The following VWA3B variants were observed in gnomAD, a reference collection of about 807,000 sequenced individuals.
VWA3B encodes von Willebrand factor A domain containing 3B.
VWA3B carries 138 observed loss-of-function variants against 158.3 expected under a neutral mutation model. That is an observed-to-expected ratio of 0.87 (90% CI 0.76 to 1.00). The LOEUF (loss-of-function observed/expected upper bound fraction) is 1.00, where lower values mean the gene tolerates loss of function less well. Among genes scored for constraint, VWA3B ranks in the 50% least tolerant of loss-of-function variants. The pLI, the probability that VWA3B is intolerant of heterozygous loss-of-function variation, is 0.00. For missense variants in VWA3B, 1,555 were observed against 1,565.1 expected (o/e 0.99, Z 0.11); for synonymous variants, 596 against 587.3 (o/e 1.01, Z -0.21).
intron 23 of VWA3B, among the ~76,000 whole-genome samples, chr2:98,296,935 G>A (rs1689836933): frequency 6.6e-6 from 1 of 150,720 alleles, no homozygotes; most frequent in African/African-American, 2.4e-5. Flanking sequence ...ATATGTTTGT[G>A]TGTATATATA....
At chr2:98,248,204 A>T (rs961298060) in intron 19 of VWA3B, among the ~76,000 whole-genome samples, 1 of 152,166 alleles carries the variant, frequency 6.6e-6, no homozygotes, top group African/African-American at 2.4e-5. Flanking sequence ...TAATAAATAA[A>T]CAATTTTAAT....
intron 22 of VWA3B, among the ~76,000 whole-genome samples, chr2:98,279,820 G>A (rs1688763153): frequency 1.3e-5 from 2 of 152,204 alleles, no homozygotes; most frequent in African/African-American, 4.8e-5. Context: ...GGGAGATAGG[G>A]TGGTGTGTTC....
intron 13 of VWA3B, among the ~76,000 whole-genome samples, chr2:98,216,550 C>T (rs1473706355): frequency 1.3e-5 from 2 of 152,206 alleles, no homozygotes; most frequent in Non-Finnish European, 2.9e-5. Flanking sequence ...GATGGAATCT[C>T]GGCCTTTCTT....
the VWA3B span, among the ~76,000 whole-genome samples, chr2:98,318,949 T>C: frequency 6.6e-6 from 1 of 152,154 alleles, no homozygotes; most frequent in East Asian, 1.9e-4. Context: ...GTGGAACCCA[T>C]GGATATGAAA....
At chr2:98,319,859 GACAGAGTGAGACTCCATCAC>G in the VWA3B span, among the ~76,000 whole-genome samples, 1 of 147,240 alleles carries the variant, frequency 6.8e-6, no homozygotes, top group African/African-American at 2.6e-5. Context: ...CAACCTGGGT[GACAGAGTGAGACTCCATCAC>G]ACACACACAC....
At chr2:98,236,230 G>A (rs1234468404) in intron 17 of VWA3B, among the ~76,000 whole-genome samples, 160 bp from the exon 18 acceptor site, 1 of 152,140 alleles carries the variant, frequency 6.6e-6, no homozygotes, top group Non-Finnish European at 1.5e-5. Flanking sequence ...AAGGAATCTT[G>A]CCTGAGAGCC....
chr2:98,101,581 G>A (rs1176441742), intron 2 of VWA3B, among the ~76,000 whole-genome samples: 2 of 152,208 alleles, frequency 1.3e-5, no homozygotes, highest in Non-Finnish European at 1.5e-5. Flanking sequence ...TTCCTTGCCA[G>A]CTTTGTTCTA....
intron 7 of VWA3B, among the ~76,000 whole-genome samples, chr2:98,137,577 T>A (rs1352534225): frequency 6.6e-6 from 1 of 152,074 alleles, no homozygotes; most frequent in Non-Finnish European, 1.5e-5. Context: ...TGTACCTCTC[T>A]ATATATATAT....
chr2:98,236,124 G>A (rs925842952), intron 17 of VWA3B, among the ~76,000 whole-genome samples: 2 of 152,190 alleles, frequency 1.3e-5, no homozygotes, highest in African/African-American at 4.8e-5. Context: ...CTTTTTAGAG[G>A]TGTGTTTTCT....
intron 7 of VWA3B, among the ~76,000 whole-genome samples, chr2:98,134,759 G>C (rs1676135452): frequency 6.6e-6 from 1 of 152,072 alleles, no homozygotes; most frequent in Admixed American, 6.5e-5. Flanking sequence ...AGGGATAAGA[G>C]AGAAGCTGTA....
intron 7 of VWA3B, among the ~76,000 whole-genome samples, chr2:98,139,731 A>G (rs574525112): frequency 6.6e-6 from 1 of 152,210 alleles, no homozygotes; most frequent in East Asian, 1.9e-4. Context: ...TTGTAAACGC[A>G]CCAATCAGCG....
chr2:98,145,152 C>T (rs1480362003), intron 7 of VWA3B, among the ~76,000 whole-genome samples: 2 of 152,236 alleles, frequency 1.3e-5, no homozygotes, highest in African/African-American at 4.8e-5. Flanking sequence ...TCGATTTTCC[C>T]TGGCCTACAG....
At chr2:98,173,859 G>T (rs376613054) in intron 8 of VWA3B, among the ~76,000 whole-genome samples, 37 of 152,020 alleles carry the variant, frequency 2.4e-4, no homozygotes, top group African/African-American at 8.0e-4. Context: ...CCAGCTACTC[G>T]GGAGGCTGAG....
At chr2:98,166,109 G>T (rs191176777) in intron 8 of VWA3B, among the ~76,000 whole-genome samples, 3 of 152,292 alleles carry the variant, frequency 2.0e-5, no homozygotes, top group African/African-American at 7.2e-5. Context: ...GGCCAAGGAG[G>T]GTGGATCACC....
At chr2:98,199,710 T>C (rs1450509045) in intron 12 of VWA3B, among the ~76,000 whole-genome samples, 1 of 152,208 alleles carries the variant, frequency 6.6e-6, no homozygotes, top group African/African-American at 2.4e-5. Context: ...AGACAGACAG[T>C]ATTTCTGTTT....
chr2:98,223,637 G>C (rs886644405), intron 14 of VWA3B, among the ~76,000 whole-genome samples: 2 of 152,186 alleles, frequency 1.3e-5, no homozygotes, highest in Admixed American at 1.3e-4. Flanking sequence ...TCCTGTTCAA[G>C]ACCAAAGAAG....
chr2:98,141,507 A>G (rs978154644), intron 7 of VWA3B, among the ~76,000 whole-genome samples: 3 of 152,208 alleles, frequency 2.0e-5, no homozygotes, highest in Middle Eastern at 3.4e-3. Context: ...ACTCATTACC[A>G]CAGAGAGGGA....
At position 98,118,281 on chromosome 2, in the gene VWA3B, G is replaced by A. The variant is rs77483058; in HGVS notation, c.292-1232G>A. 6.6e-5 allele frequency among the ~76,000 whole-genome samples: 10 copies of A among 152,196 alleles called. No individual in the cohort carries two copies. The East Asian group carries it at 1.7e-3, about 26-fold the overall frequency. On this transcript the variant is annotated intron_variant, in intron 3 of 27. Coordinates refer to ENST00000477737, the MANE Select transcript of VWA3B (RefSeq NM_144992.5). Reference sequence around the variant, plus strand: ...AAGGAGCTGGTAATTCTGTCTTAAGGGGCCATGAGAAGCCTCCAAGAAGTG... The same window carrying A: ...AAGGAGCTGGTAATTCTGTCTTAAGAGGCCATGAGAAGCCTCCAAGAAGTG...
chr2:98,298,799 C>T (rs948528030), intron 24 of VWA3B, among the ~76,000 whole-genome samples: 8 of 152,330 alleles, frequency 5.3e-5, no homozygotes, highest in South Asian at 2.1e-4. Flanking sequence ...GGCTCAAGGG[C>T]GCTGTTACAA....
Sources: allele counts gnomAD v4.1 joint callset (sites outside exome capture counted in the v4.1 genomes callset), GRCh38; gene constraint gnomAD v4.1.1; transcripts MANE v1.5; gene names NCBI Gene and HGNC (gene_info 2026-07-23, HGNC 2026-07-21).